CTNNA3: variants seen among roughly 807,000 people sequenced by gnomAD.
CTNNA3 encodes the protein catenin alpha-3.
In CTNNA3, 76 loss-of-function variants were observed where a neutral mutation model predicts 95.7. The ratio of observed to expected loss-of-function variants is 0.79; its 90% CI spans 0.66 to 0.96. The LOEUF (loss-of-function observed/expected upper bound fraction) is 0.96. Among genes scored for constraint, CTNNA3 ranks in the 40% least tolerant of loss-of-function variants. The pLI, the probability that CTNNA3 is intolerant of heterozygous loss-of-function variation, is 0.00. For missense variants in CTNNA3, 1,191 were observed against 1,089.8 expected, an observed-to-expected ratio of 1.09 and a Z score of -1.31; for synonymous variants, 431 against 374.4, an observed-to-expected ratio of 1.15 and a Z score of -1.74.
intron 5 of CTNNA3, among the ~76,000 whole-genome samples, chr10:67,415,802 T>C (rs1005471330): frequency 6.6e-6 from 1 of 152,062 alleles, no homozygotes; most frequent in Non-Finnish European, 1.5e-5. Context: ...AATAGAAACA[T>C]AGACCAATTG....
chr10:67,657,116 A>G (rs1236301962), intron 1 of CTNNA3, among the ~76,000 whole-genome samples: 1 of 152,224 alleles, frequency 6.6e-6, no homozygotes, highest in Admixed American at 6.5e-5. Context: ...ACAGGAATTC[A>G]TGAAAGATTA....
At chr10:67,165,139 T>C (rs893761007) in intron 7 of CTNNA3, among the ~76,000 whole-genome samples, 6 of 152,168 alleles carry the variant, frequency 3.9e-5, no homozygotes, top group Admixed American at 3.3e-4. Context: ...GTATAAACAA[T>C]GGTATATCCT....
intron 13 of CTNNA3, among the ~76,000 whole-genome samples, chr10:66,227,576 G>C (rs1391689935): frequency 1.3e-5 from 2 of 151,978 alleles, no homozygotes; most frequent in African/African-American, 2.4e-5. Context: ...TCATTTGTTA[G>C]TTTTTTGTTG....
chr10:66,213,793 G>A (rs749799138), intron 13 of CTNNA3, among the ~76,000 whole-genome samples: 5 of 152,156 alleles, frequency 3.3e-5, no homozygotes, highest in Non-Finnish European at 7.3e-5. Context: ...TGCGTTTAAT[G>A]TGTAAGAAAG....
chr10:66,307,383 G>A (rs1421664363), intron 12 of CTNNA3, among the ~76,000 whole-genome samples: 3 of 152,082 alleles, frequency 2.0e-5, no homozygotes, highest in Non-Finnish European at 4.4e-5. Flanking sequence ...TTAAATAAAG[G>A]TATATTGAAA....
At chr10:67,720,709 T>C (rs1234379055) in intron 1 of CTNNA3, among the ~76,000 whole-genome samples, 1 of 152,152 alleles carries the variant, frequency 6.6e-6, no homozygotes. Flanking sequence ...ATCCCAGCAC[T>C]TTGAGAGGCT....
intron 5 of CTNNA3, among the ~76,000 whole-genome samples, chr10:67,489,107 G>C (rs906286157): frequency 6.6e-6 from 1 of 151,992 alleles, no homozygotes; most frequent in African/African-American, 2.4e-5. Flanking sequence ...GTATCACATA[G>C]GTAAAAAACC....
At chr10:67,346,597 AG>A in intron 5 of CTNNA3, 7 of 308,766 alleles carry the variant, frequency 2.3e-5, no homozygotes, top group South Asian at 1.6e-4. Context: ...TGGACCTTAA[AG>A]GGCACACTGT....
intron 10 of CTNNA3, among the ~76,000 whole-genome samples, chr10:66,536,136 TGAGAGAGAGA>T (rs71035152): frequency 1.4e-5 from 2 of 143,842 alleles, no homozygotes; most frequent in Non-Finnish European, 1.5e-5. Context: ...TGAAACGACA[TGAGAGAGAGA>T]GAGAGAGAGA....
intron 5 of CTNNA3, among the ~76,000 whole-genome samples, chr10:67,345,119 A>G (rs761325682): frequency 2.0e-5 from 3 of 152,018 alleles, no homozygotes; most frequent in Non-Finnish European, 2.9e-5. Flanking sequence ...ATTCTAGAGC[A>G]GGTTGTTTAA....
At chr10:67,726,122 T>C (rs1392019997) in intron 1 of CTNNA3, among the ~76,000 whole-genome samples, 1 of 113,544 alleles carries the variant, frequency 8.8e-6, no homozygotes, top group African/African-American at 3.6e-5. Flanking sequence ...TATATTATTA[T>C]ATTAGATAAT....
chr10:67,609,746 T>C (rs1564781065), intron 2 of CTNNA3, among the ~76,000 whole-genome samples: 2 of 152,228 alleles, frequency 1.3e-5, no homozygotes, highest in Non-Finnish European at 2.9e-5. Flanking sequence ...ATTTTCTAGT[T>C]TGTTCCCCAT....
chr10:66,463,024 T>C (rs1170332268), intron 11 of CTNNA3, among the ~76,000 whole-genome samples: 1 of 152,204 alleles, frequency 6.6e-6, no homozygotes, highest in East Asian at 1.9e-4. Flanking sequence ...ATATTTCCTA[T>C]CAAAATTCTT....
intron 7 of CTNNA3, among the ~76,000 whole-genome samples, chr10:67,063,721 G>A (rs1855898347): frequency 6.6e-6 from 1 of 152,130 alleles, no homozygotes; most frequent in Non-Finnish European, 1.5e-5. Flanking sequence ...GCCAAATGAG[G>A]GTTACTTGTA....
At chr10:66,390,463 C>T (rs977434470) in intron 11 of CTNNA3, among the ~76,000 whole-genome samples, 3 of 151,968 alleles carry the variant, frequency 2.0e-5, no homozygotes, top group Non-Finnish European at 4.4e-5. Flanking sequence ...AATGCAAAAT[C>T]GATTGAATTT....
intron 7 of CTNNA3, among the ~76,000 whole-genome samples, chr10:67,016,343 T>A (rs575203197): frequency 6.6e-6 from 1 of 152,330 alleles, no homozygotes; most frequent in Admixed American, 6.5e-5. Flanking sequence ...TTTATTTTCT[T>A]AACATTGAAA....
chr10:66,267,587 G>A (rs780386501), intron 13 of CTNNA3, among the ~76,000 whole-genome samples: 91 of 152,032 alleles, frequency 6.0e-4, no homozygotes, highest in East Asian at 3.5e-3. Context: ...CCATGTTTGC[G>A]TTCTTAAAAC....
intron 1 of CTNNA3, among the ~76,000 whole-genome samples, chr10:67,725,492 A>G (rs1274994935): frequency 6.6e-6 from 1 of 152,032 alleles, no homozygotes; most frequent in Non-Finnish European, 1.5e-5. Context: ...GTACTTTTAT[A>G]TAGTAAGATC....
chr10:66,618,580 A>C (rs1338482265), intron 10 of CTNNA3, among the ~76,000 whole-genome samples: 2 of 152,162 alleles, frequency 1.3e-5, no homozygotes, highest in African/African-American at 2.4e-5. Context: ...TAAAGACTTA[A>C]ACGTTAGACC....
Sources: allele counts gnomAD v4.1 joint callset (sites outside exome capture counted in the v4.1 genomes callset), GRCh38; gene constraint gnomAD v4.1.1; transcripts MANE v1.5; gene names NCBI Gene and HGNC (gene_info 2026-07-23, HGNC 2026-07-21).